Variants in TSHR observed in about 807,000 individuals in gnomAD.
The protein encoded by TSHR is thyrotropin receptor.
In TSHR, 51 loss-of-function variants were observed where a neutral mutation model predicts 64.1. The observed-to-expected ratio is 0.80, with a 90% CI of 0.64 to 1.01. TSHR has a LOEUF of 1.01. Ranked by LOEUF, TSHR falls within the 50% of genes least tolerant of loss-of-function variation. The pLI, the probability that TSHR is intolerant of heterozygous loss-of-function variation, is 0.00. For synonymous variants in TSHR, 361 were observed against 361.9 expected, an observed-to-expected ratio of 1.00 and a Z score of 0.03; for missense variants, 877 against 942.8, an observed-to-expected ratio of 0.93 and a Z score of 0.91.
At chr14:80,993,436 A>C (rs1017404801) in intron 1 of TSHR, 3 of 152,194 alleles carry the variant, frequency 2.0e-5, no homozygotes, top group Non-Finnish European at 4.4e-5. Flanking sequence ...TACTCTGCCC[A>C]GTAATGTTTA....
chr14:81,007,748 A>G (rs1201656814), intron 1 of TSHR, among the ~76,000 whole-genome samples: 1 of 152,226 alleles, frequency 6.6e-6, no homozygotes, highest in Non-Finnish European at 1.5e-5. Context: ...GGATTAGTCC[A>G]TTTCTAAGTC....
intron 1 of TSHR, chr14:80,994,375 A>T (rs2139746495): frequency 6.6e-6 from 1 of 152,220 alleles, no homozygotes; most frequent in African/African-American, 2.4e-5. Flanking sequence ...GAAAAAAAAA[A>T]CTATTTAAAA....
At chr14:81,099,019 AT>A (rs1889395260) in intron 7 of TSHR, among the ~76,000 whole-genome samples, 1 of 152,218 alleles carries the variant, frequency 6.6e-6, no homozygotes, top group Admixed American at 6.5e-5. Flanking sequence ...AAGATAGAGT[AT>A]AAAATTCAGA....
intron 8 of TSHR, among the ~76,000 whole-genome samples, chr14:81,128,901 A>G (rs1043696289): frequency 2.6e-5 from 4 of 152,158 alleles, no homozygotes; most frequent in Admixed American, 6.5e-5. Flanking sequence ...GCTTATTACC[A>G]TCTGACATTC....
At chr14:81,116,148 T>TC (rs898382036) in intron 8 of TSHR, among the ~76,000 whole-genome samples, 6 of 150,998 alleles carry the variant, frequency 4.0e-5, no homozygotes, top group African/African-American at 1.5e-4. Flanking sequence ...CCAGCTAACA[T>TC]CAGAATGACA....
intron 1 of TSHR, among the ~76,000 whole-genome samples, chr14:81,020,139 C>T (rs1883665989): frequency 6.6e-6 from 1 of 152,186 alleles, no homozygotes. Context: ...GTGTGTTACA[C>T]TTAGGCACAT....
Position 81,017,244 on chromosome 14 carries a change from G to A in TSHR, c.171-44904G>A, listed in dbSNP as rs902241407. Among the ~76,000 whole-genome samples the A allele has an allele frequency of 3.3e-5, 5 of 152,256 alleles. No individual in the cohort carries two copies. In the South Asian group the frequency reaches 1.0e-3, roughly 32 times the overall value. On this transcript the variant is annotated intron_variant, in intron 1 of 9. Coordinates refer to ENST00000298171, the MANE Select transcript of TSHR (RefSeq NM_000369.5). The stretch of plus-strand genomic sequence containing the variant: ...TAAGCTTAGAAGGGGATTAAATGTG[G>A]CCAATGCCTTGCTTTTGCCCATTTA...
chr14:80,959,650 A>G (rs1024901850), intron 1 of TSHR: 1 of 152,204 alleles, frequency 6.6e-6, no homozygotes, highest in African/African-American at 2.4e-5. Flanking sequence ...CCCCACTGCC[A>G]TCTGTGGTCT....
chr14:81,097,740 A>C (rs1889303949), intron 7 of TSHR, among the ~76,000 whole-genome samples: 1 of 152,088 alleles, frequency 6.6e-6, no homozygotes, highest in Admixed American at 6.5e-5. Context: ...GTAAATGGTA[A>C]AAAGGTGTTT....
chr14:81,139,645 G>T, intron 8 of TSHR, 34 bp from the exon 9 acceptor site: 1 of 1,612,422 alleles, frequency 6.2e-7, no homozygotes, highest in Middle Eastern at 1.9e-4. Flanking sequence ...GCTGCTCACT[G>T]CCTCTCTGCA....
chr14:81,136,422 CCT>C (rs202183723), intron 8 of TSHR, among the ~76,000 whole-genome samples: 10,316 of 152,138 alleles, frequency 0.068, 844 homozygotes, highest in East Asian at 0.24. Flanking sequence ...ATCCAACATT[CCT>C]CAAGGTTACT....
chr14:81,104,876 C>T (rs749735898), intron 7 of TSHR: 20 of 985,252 alleles, frequency 2.0e-5, no homozygotes, highest in East Asian at 1.1e-4. Context: ...AGACCCCAAG[C>T]GGTGAAAAGC....
intron 1 of TSHR, 45 bp downstream of exon 1, chr14:80,955,895 C>T (rs762412721): frequency 1.2e-6 from 2 of 1,613,088 alleles, no homozygotes; most frequent in African/African-American, 2.7e-5. Context: ...AGATCAAGGG[C>T]ATCTGCAGAG....
chr14:81,094,978 A>C (rs1889055930), intron 6 of TSHR, among the ~76,000 whole-genome samples: 1 of 152,174 alleles, frequency 6.6e-6, no homozygotes, highest in South Asian at 2.1e-4. Context: ...AATTCTCAGG[A>C]TCATCCAGCT....
At chr14:81,002,851 T>A (rs1314100917) in intron 1 of TSHR, among the ~76,000 whole-genome samples, 1 of 64,532 alleles carries the variant, frequency 1.5e-5, no homozygotes, top group African/African-American at 5.0e-5. Flanking sequence ...TATTATACTT[T>A]AAGTTTTAGG....
chr14:81,073,730 G>T (rs559191651), intron 3 of TSHR, among the ~76,000 whole-genome samples: 2 of 151,930 alleles, frequency 1.3e-5, no homozygotes, highest in East Asian at 1.9e-4. Context: ...AGAAAAGAAG[G>T]TTAAAAATAA....
chr14:80,973,995 G>A (rs1887733286), intron 1 of TSHR, among the ~76,000 whole-genome samples: 1 of 152,178 alleles, frequency 6.6e-6, no homozygotes, highest in South Asian at 2.1e-4. Flanking sequence ...TCAATTCACA[G>A]GGTGAACAAA....
rs552717254 is a variant in TSHR, at chr14:81,111,036, C to CA, written c.692+2589dup. ...TTATGGTATATATTATATAGTATTA[C>CA]AAAAATACATGTATAGGGTTCATGA... On this transcript the variant is annotated intron_variant, in intron 8 of 9. Coordinates refer to ENST00000298171, the MANE Select transcript of TSHR (RefSeq NM_000369.5). 9.2e-5 allele frequency among the ~76,000 whole-genome samples: 14 copies of CA among 152,086 alleles called. No individual in the cohort carries two copies. In the East Asian group the frequency reaches 1.7e-3, roughly 19 times the overall value.
Position 81,047,975 on chromosome 14 carries a change from A to T in TSHR, c.171-14173A>T, listed in dbSNP as rs555629797. Among the ~76,000 whole-genome samples the T allele has an allele frequency of 7.9e-5, 12 of 152,184 alleles. No homozygotes were observed. The South Asian group carries it at 2.3e-3, about 29-fold the overall frequency. On this transcript the variant is annotated intron_variant, in intron 1 of 9. Transcript: ENST00000298171. ...CATTGGCTTTTATATAGAAGTATTA[A>T]CTGAATGCCTGCTATGTTTATGGAC...
Sources: allele counts gnomAD v4.1 joint callset (sites outside exome capture counted in the v4.1 genomes callset), GRCh38; gene constraint gnomAD v4.1.1; transcripts MANE v1.5; gene names NCBI Gene and HGNC (gene_info 2026-07-23, HGNC 2026-07-21).